Variants in TMEM131 observed in about 807,000 individuals in gnomAD.
TMEM131 encodes transmembrane protein 131.
Under a neutral mutation model 211.6 loss-of-function variants are expected in TMEM131, and 66 were observed. That is an observed-to-expected ratio of 0.31 (90% CI 0.26 to 0.38). The LOEUF (loss-of-function observed/expected upper bound fraction) is 0.38. Ranked by LOEUF, TMEM131 falls within the 10% of genes least tolerant of loss-of-function variation. TMEM131 has a pLI of 1.00. For synonymous variants in TMEM131, 844 were observed against 841.3 expected (o/e 1.00, Z -0.06); for missense variants, 2,036 against 2,299.3 (o/e 0.89, Z 2.34).
rs114587588 is a variant in TMEM131 at position 97,859,904 on chromosome 2, A to G, written c.360-477T>C. 5.2e-3 allele frequency among the ~76,000 whole-genome samples: 788 copies of G among 152,330 alleles called. 6 individuals are homozygous for G. The highest frequency in any genetic ancestry group is 0.017 in the African/African-American group (727 of 41,570). On this transcript the variant is annotated intron_variant, in intron 4 of 40. Transcript: ENST00000186436. ...AGATGAGAATACTGGGGCACAGAAA[A>G]GTTAATTAACTTGTCAAAGGCACAC...
chr2:97,841,892 G>C lies in TMEM131; in HGVS notation c.646C>G (p.Leu216Val). Reference sequence around the variant, plus strand: ...CTATTCACAGGGACTCTGGCCCCAAGGAACGGCCTCAATCGATATGGATTT... The same window carrying C: ...CTATTCACAGGGACTCTGGCCCCAACGAACGGCCTCAATCGATATGGATTT... The part of the protein sequence containing the change: ...VPNPYRLRPF[L>V]GARVPVNSSF... The change falls in exon 7 of 41, where the codon CTT (leucine) becomes GTT (valine). Residue 216 changes from leucine to valine, a missense_variant. Leu to Val is a conservative substitution (Grantham distance 32, BLOSUM62 1). Transcript: ENST00000186436. 1 of 1,594,888 alleles carries C rather than the reference G, an allele frequency of 6.3e-7. No individual in the cohort carries two copies. The highest frequency in any genetic ancestry group is 8.5e-7 in the Non-Finnish European group (1 of 1,169,646).
chr2:97,778,728 C>G (rs1401191582), intron 31 of TMEM131, among the ~76,000 whole-genome samples: 1 of 152,176 alleles, frequency 6.6e-6, no homozygotes, highest in Non-Finnish European at 1.5e-5. Flanking sequence ...CCTATCATTC[C>G]TCATTCTACA....
chr2:97,989,410 T>C (rs1253971795), intron 1 of TMEM131, among the ~76,000 whole-genome samples: 1 of 152,112 alleles, frequency 6.6e-6, no homozygotes, highest in Non-Finnish European at 1.5e-5. Context: ...AGTAGTCAAA[T>C]TCATAAACAC....
rs1678518806 is a variant in TMEM131 at position 97,757,009 on chromosome 2, C to A, written c.*90G>T. 5 of 1,430,634 alleles carry A rather than the reference C, an allele frequency of 3.5e-6. No homozygotes were observed. In the African/African-American group the frequency reaches 5.7e-5, roughly 16 times the overall value. 88.6% of individuals were successfully genotyped at this position (1,430,634 alleles called of 1,614,324 possible). ...AAGAAGAGGAGGGTGGGGAGGGGAG[C>A]TGCAGTAAGAGCCTTAAAAAGATGT... is the stretch of plus-strand genomic sequence containing the variant. On this transcript the variant is annotated 3_prime_UTR_variant, in exon 41 of 41. Transcript: ENST00000186436.
intron 8 of TMEM131, among the ~76,000 whole-genome samples, chr2:97,835,265 G>A (rs1296290257): frequency 6.6e-6 from 1 of 152,172 alleles, no homozygotes; most frequent in Non-Finnish European, 1.5e-5. Context: ...GCTAGTTAGT[G>A]GTGTTTGGGT....
chr2:97,920,015 C>T (rs140795159), intron 2 of TMEM131, among the ~76,000 whole-genome samples: 128 of 152,330 alleles, frequency 8.4e-4, no homozygotes, highest in Middle Eastern at 3.4e-3. Flanking sequence ...GGTAAGGCCA[C>T]GTTCTTCTTG....
chr2:97,849,717 CTTTTTT>C (rs11320615), intron 5 of TMEM131, among the ~76,000 whole-genome samples: 2 of 103,826 alleles, frequency 1.9e-5, no homozygotes, highest in South Asian at 3.0e-4. Flanking sequence ...CTCTCTCTCT[CTTTTTT>C]TTTTTTTTTT....
rs1208271742 is a variant in TMEM131 at position 97,775,830 on chromosome 2, G to T, written c.4320+13C>A. ...TTCTCCCTCGTGTTTTGTTGTGTGA[G>T]ATCAGCCCGTACCTCCTTGAGGAGC... On this transcript the variant is annotated intron_variant, in intron 32 of 40. Coordinates refer to ENST00000186436, the MANE Select transcript of TMEM131 (RefSeq NM_015348.2). The T allele has an allele frequency of 1.9e-6, 3 of 1,605,120 alleles. No individual in the cohort carries two copies. Among genetic ancestry groups the T allele is most frequent in the African/African-American group, 2.7e-5 (2 of 74,254 alleles).
intron 31 of TMEM131, among the ~76,000 whole-genome samples, chr2:97,779,661 G>A (rs190182213): frequency 9.2e-5 from 14 of 152,294 alleles, no homozygotes; most frequent in East Asian, 3.9e-4. Context: ...AGAACTCTGC[G>A]GGTAGGCACA....
chr2:97,854,675 C>A (rs1219016442), intron 5 of TMEM131, among the ~76,000 whole-genome samples: 1 of 152,158 alleles, frequency 6.6e-6, no homozygotes, highest in African/African-American at 2.4e-5. Context: ...GTTTGTAAGA[C>A]CCTTCATAGT....
chr2:97,817,466 G>T lies in TMEM131; in HGVS notation c.1183+1147C>A, dbSNP rs1028914526. ...AGCCGCCTCCTCCTCTGTAAGGGAA[G>T]ACAATGTACCTCGTGATACTGACAC... On this transcript the variant is annotated intron_variant, in intron 12 of 40. Transcript: ENST00000186436. Among the ~76,000 whole-genome samples the T allele has an allele frequency of 9.2e-5, 14 of 152,338 alleles. 1 individual carries two copies. The highest frequency in any genetic ancestry group is 7.2e-4 in the Admixed American group (11 of 15,302).
intron 5 of TMEM131, among the ~76,000 whole-genome samples, chr2:97,854,878 T>A (rs1351010967): frequency 6.6e-6 from 1 of 152,210 alleles, no homozygotes; most frequent in Non-Finnish European, 1.5e-5. Context: ...TGTCACCTTC[T>A]GAATAAAGCC....
chr2:97,929,017 C>T (rs1228860185), intron 1 of TMEM131, among the ~76,000 whole-genome samples: 1 of 151,680 alleles, frequency 6.6e-6, no homozygotes, highest in Non-Finnish European at 1.5e-5. Context: ...CAATGACATG[C>T]CAATAGCAAA....
chr2:97,804,621 CAAAAAA>C (rs71386034), intron 22 of TMEM131, among the ~76,000 whole-genome samples: 6 of 71,920 alleles, frequency 8.3e-5, no homozygotes, highest in Non-Finnish European at 1.6e-4. Flanking sequence ...GACTCCGTCT[CAAAAAA>C]AAAAAAAAAA....
intron 2 of TMEM131, among the ~76,000 whole-genome samples, chr2:97,919,736 A>T (rs189433529): frequency 6.6e-6 from 1 of 152,148 alleles, no homozygotes; most frequent in African/African-American, 2.4e-5. Context: ...ATGCCTGGCT[A>T]CTTTGGTATT....
intron 1 of TMEM131, among the ~76,000 whole-genome samples, chr2:97,953,093 G>A (rs1237210818): frequency 6.6e-6 from 1 of 152,120 alleles, no homozygotes; most frequent in Admixed American, 6.5e-5. Context: ...ATTTCATAAA[G>A]GAAACAAGAG....
chr2:97,987,249 A>G (rs1049757791), intron 1 of TMEM131, among the ~76,000 whole-genome samples: 3 of 152,258 alleles, frequency 2.0e-5, no homozygotes, highest in Non-Finnish European at 4.4e-5. Flanking sequence ...ACAGTGGCTC[A>G]TGCCTGTAAT....
intron 1 of TMEM131, among the ~76,000 whole-genome samples, chr2:97,993,967 C>A (rs1303210577): frequency 6.6e-6 from 1 of 152,152 alleles, no homozygotes; most frequent in Non-Finnish European, 1.5e-5. Context: ...GTGCTAAGGG[C>A]GCATGAAGAC....
chr2:97,773,475 G>A (rs1382412311), intron 32 of TMEM131, among the ~76,000 whole-genome samples: 1 of 152,072 alleles, frequency 6.6e-6, no homozygotes, highest in African/African-American at 2.4e-5. Context: ...TGGAGTGGGC[G>A]GCCACATCCA....
Sources: allele counts gnomAD v4.1 joint callset (sites outside exome capture counted in the v4.1 genomes callset), GRCh38; gene constraint gnomAD v4.1.1; transcripts MANE v1.5; gene names NCBI Gene and HGNC (gene_info 2026-07-23, HGNC 2026-07-21).